The following RABGAP1L variants were observed in gnomAD, a reference collection of about 807,000 sequenced individuals.
RABGAP1L encodes RAB GTPase activating protein 1 like, also known as rab GTPase-activating protein 1-like.
RABGAP1L carries 63 observed loss-of-function variants against 137.7 expected under a neutral mutation model. That is an observed-to-expected ratio of 0.46 (90% CI 0.37 to 0.56). The LOEUF is 0.56. RABGAP1L is among the 20% of genes least tolerant of loss of function. RABGAP1L has a pLI of 0.00. For missense variants in RABGAP1L, 1,095 were observed against 1,244.0 expected, an observed-to-expected ratio of 0.88 and a Z score of 1.80; for synonymous variants, 431 against 433.7, an observed-to-expected ratio of 0.99 and a Z score of 0.08.
In RABGAP1L at chr1:174,438,744, G is replaced by GTATATATATATATATATATA. The variant is rs71117563; in HGVS notation, c.1710+44613_1710+44632dup. 1.5e-3 allele frequency among the ~76,000 whole-genome samples: 146 copies of GTATATATATATATATATATA among 95,382 alleles called. 2 individuals are homozygous for GTATATATATATATATATATA. The highest frequency in any genetic ancestry group is 4.2e-3 in the African/African-American group (89 of 21,008). 62.6% of individuals were successfully genotyped at this position (95,382 alleles called of 152,430 possible). A position where few individuals can be genotyped will look rare whatever the true frequency, so the allele number is the denominator to read the frequency against. ...AAAAACCCAAAAAAAGTGTGTGTGT[G>GTATATATATATATATATATA]TATATATATATATATATATATATAT... On this transcript the variant is annotated intron_variant, in intron 13 of 25. Coordinates refer to ENST00000681986, the MANE Select transcript of RABGAP1L (RefSeq NM_001366446.1).
At chr1:174,400,071 T>C (rs1473693966) in intron 13 of RABGAP1L, among the ~76,000 whole-genome samples, 1 of 152,192 alleles carries the variant, frequency 6.6e-6, no homozygotes, top group Non-Finnish European at 1.5e-5. Flanking sequence ...AAGCATTCTT[T>C]CAGGGGTGGC....
chr1:174,846,442 G>A (rs1694057295), intron 19 of RABGAP1L, among the ~76,000 whole-genome samples: 1 of 150,252 alleles, frequency 6.7e-6, no homozygotes, highest in African/African-American at 2.4e-5. Flanking sequence ...GTTCTCGTTG[G>A]TTTCAAAGAA....
At chr1:174,980,963 G>T (rs1347678755) in intron 23 of RABGAP1L, among the ~76,000 whole-genome samples, 2 of 151,260 alleles carry the variant, frequency 1.3e-5, no homozygotes, top group Non-Finnish European at 2.9e-5. Flanking sequence ...GATGCCGAAT[G>T]TGGGCATCTA....
intron 8 of RABGAP1L, among the ~76,000 whole-genome samples, chr1:174,273,747 TG>T (rs1674745689): frequency 6.6e-6 from 1 of 152,120 alleles, no homozygotes; most frequent in African/African-American, 2.4e-5. Context: ...TGCAGAGATT[TG>T]TCCATAAAAC....
chr1:174,454,732 G>A (rs906983797), intron 13 of RABGAP1L, among the ~76,000 whole-genome samples: 1 of 151,708 alleles, frequency 6.6e-6, no homozygotes, highest in African/African-American at 2.4e-5. Context: ...TGTGTTTTTA[G>A]TAGAGACTGG....
intron 13 of RABGAP1L, among the ~76,000 whole-genome samples, chr1:174,544,097 A>G (rs1572253383): frequency 1.3e-5 from 2 of 152,136 alleles, no homozygotes; most frequent in East Asian, 1.9e-4. Flanking sequence ...CTCGAGGAGT[A>G]TCTTTGTGGC....
At chr1:174,437,270 C>T (rs142337431) in intron 13 of RABGAP1L, among the ~76,000 whole-genome samples, 7,475 of 151,796 alleles carry the variant, frequency 0.049, 267 homozygotes, top group Non-Finnish European at 0.072. Flanking sequence ...CAAACTACTC[C>T]GAGCTAAAGG....
intron 2 of RABGAP1L, chr1:174,220,574 A>G (rs1218136747): frequency 6.5e-6 from 1 of 154,034 alleles, no homozygotes; most frequent in Non-Finnish European, 1.4e-5. Context: ...AGGCTGAGGC[A>G]TGAGAATCGC....
chr1:174,918,825 C>CG (rs1661317683), intron 19 of RABGAP1L, among the ~76,000 whole-genome samples: 1 of 59,418 alleles, frequency 1.7e-5, no homozygotes, highest in African/African-American at 6.3e-5. Flanking sequence ...TGAGACCCAC[C>CG]CCCCCGATCT....
At chr1:174,205,983 T>C (rs1053786770) in intron 1 of RABGAP1L, among the ~76,000 whole-genome samples, 1 of 152,220 alleles carries the variant, frequency 6.6e-6, no homozygotes, top group Non-Finnish European at 1.5e-5. Context: ...CTCAGGGATA[T>C]GACTTGGTTA....
intron 19 of RABGAP1L, among the ~76,000 whole-genome samples, chr1:174,882,323 C>T (rs1000044231): frequency 2.0e-5 from 3 of 151,970 alleles, no homozygotes; most frequent in East Asian, 1.9e-4. Flanking sequence ...GGTAAAAATC[C>T]GATTAAATAC....
intron 1 of RABGAP1L, among the ~76,000 whole-genome samples, chr1:174,201,444 C>T (rs1357291520): frequency 6.6e-6 from 1 of 152,100 alleles, no homozygotes; most frequent in Non-Finnish European, 1.5e-5. Context: ...GTGATCCGCC[C>T]ACCTTGGCCT....
At chr1:174,976,054 A>G in intron 21 of RABGAP1L, 24 bp from the exon 22 acceptor site, 2 of 1,525,102 alleles carry the variant, frequency 1.3e-6, no homozygotes, top group Non-Finnish European at 1.8e-6. Flanking sequence ...GTGATGTATG[A>G]CTGTGATGCA....
intron 19 of RABGAP1L, among the ~76,000 whole-genome samples, chr1:174,907,534 C>A (rs1659298913): frequency 6.6e-6 from 1 of 151,954 alleles, no homozygotes; most frequent in South Asian, 2.1e-4. Context: ...AGGCTGGTCA[C>A]AAACTCCTGG....
intron 18 of RABGAP1L, among the ~76,000 whole-genome samples, chr1:174,762,776 AT>A (rs1432081024): frequency 4.9e-5 from 7 of 143,952 alleles, no homozygotes; most frequent in African/African-American, 7.7e-5. Context: ...TTCTGCCAGG[AT>A]AGCAGCTTTT....
rs570427090 is a variant in RABGAP1L at position 174,749,909 on chromosome 1, G to A, written c.2170-2404G>A. 7.9e-5 allele frequency among the ~76,000 whole-genome samples: 12 copies of A among 152,002 alleles called. No individual in the cohort carries two copies. The East Asian group carries it at 2.1e-3, about 27-fold the overall frequency. ...TTTATTTTTTTTGAGATGGAGTCTCGCTCTGTCACCCAGGCTGGAGTGCGA... is the reference window on the plus strand; with the variant it reads ...TTTATTTTTTTTGAGATGGAGTCTCACTCTGTCACCCAGGCTGGAGTGCGA... On this transcript the variant is annotated intron_variant, in intron 17 of 25. Coordinates refer to ENST00000681986, the MANE Select transcript of RABGAP1L (RefSeq NM_001366446.1).
At chr1:174,362,969 T>C (rs986190010) in intron 11 of RABGAP1L, among the ~76,000 whole-genome samples, 7 of 152,202 alleles carry the variant, frequency 4.6e-5, no homozygotes, top group African/African-American at 1.7e-4. Context: ...TTGTGCATGG[T>C]GTAAGGAAGG....
At chr1:174,827,340 C>G (rs1304535833) in intron 19 of RABGAP1L, among the ~76,000 whole-genome samples, 1 of 152,134 alleles carries the variant, frequency 6.6e-6, no homozygotes, top group Non-Finnish European at 1.5e-5. Context: ...GGACACCAGT[C>G]ATATTGGATT....
intron 1 of RABGAP1L, among the ~76,000 whole-genome samples, chr1:174,165,430 G>T (rs977908629): frequency 5.9e-5 from 9 of 152,090 alleles, no homozygotes; most frequent in Non-Finnish European, 1.2e-4. Context: ...GATTACAGGC[G>T]TGAGCCACCG....
Sources: gnomAD v4.1 joint callset for allele counts (sites outside exome capture counted in the v4.1 genomes callset) on GRCh38, gnomAD v4.1.1 for gene constraint, MANE v1.5 for transcripts, NCBI Gene and HGNC (gene_info 2026-07-23, HGNC 2026-07-21) for gene names.